SSH1: variants seen among roughly 807,000 people sequenced by gnomAD.
SSH1 encodes protein phosphatase Slingshot homolog 1.
A neutral mutation model predicts 79.7 loss-of-function variants in SSH1; 43 were observed. That is an observed-to-expected ratio of 0.54 (90% CI 0.42 to 0.70). The LOEUF is 0.70. Ranked by LOEUF, SSH1 falls within the 30% of genes least tolerant of loss-of-function variation. The probability of loss-of-function intolerance (pLI) is 0.00; values close to 1 mark genes in which losing one functional copy is unlikely to be tolerated. For synonymous variants in SSH1, 599 were observed against 538.3 expected, an observed-to-expected ratio of 1.11 and a Z score of -1.56; for missense variants, 1,206 against 1,358.8, an observed-to-expected ratio of 0.89 and a Z score of 1.77.
intron 13 of SSH1, among the ~76,000 whole-genome samples, chr12:108,794,852 T>C (rs1051887999): frequency 2.6e-5 from 4 of 151,496 alleles, no homozygotes; most frequent in South Asian, 2.1e-4. Flanking sequence ...ACTATCTTCA[T>C]AGATTGTGGG....
In SSH1 at chr12:108,780,324, C is replaced by CCG. The variant is rs2036134124; in HGVS notation, c.*7662_*7663dup. 6.6e-6 allele frequency: 1 copy of CCG among 152,224 alleles called. No individual in the cohort carries two copies. The highest frequency in any genetic ancestry group is 2.4e-5 in the African/African-American group (1 of 41,452). 9.4% of individuals were successfully genotyped at this position (152,224 alleles called of 1,614,324 possible). ...AGATGTGATCTGGGATCGTGCCCAA[C>CCG]CGCGAGACAGTTACTCTGAGGAGGA... is the stretch of plus-strand genomic sequence containing the variant. On this transcript the variant is annotated 3_prime_UTR_variant, in exon 15 of 15. Coordinates refer to ENST00000326495, the MANE Select transcript of SSH1 (RefSeq NM_018984.4).
In SSH1 at chr12:108,788,145, G is replaced by A. The variant is rs370632411; in HGVS notation, c.2993C>T (p.Pro998Leu). Residue 998 changes from proline to leucine, a missense_variant, in exon 15 of 15, where the codon CCG becomes CTG. Coordinates refer to ENST00000326495, the MANE Select transcript of SSH1 (RefSeq NM_018984.4). The stretch of plus-strand genomic sequence containing the variant: ...GTCCTGGGAGTCAGCGACGGTGGAC[G>A]GGTCAGCCTCACTGGACAGGTCTTC... ...STEDLSSEADPSTVADSQDTT... is the reference protein window; with the variant it reads ...STEDLSSEADLSTVADSQDTT... The A allele has an allele frequency of 2.1e-4, 337 of 1,614,072 alleles. 2 individuals carry two copies. In the South Asian group the frequency reaches 2.8e-3, roughly 13 times the overall value.
intron 4 of SSH1, 35 bp downstream of exon 4, chr12:108,818,214 A>C (rs777911770): frequency 1.9e-6 from 3 of 1,605,260 alleles, no homozygotes; most frequent in Non-Finnish European, 2.6e-6. Context: ...AATTAAAAAA[A>C]AATTTTTTAA....
chr12:108,795,157 A>T (rs894390527), intron 13 of SSH1, among the ~76,000 whole-genome samples: 1 of 152,172 alleles, frequency 6.6e-6, no homozygotes, highest in Non-Finnish European at 1.5e-5. Flanking sequence ...ATGGCAAATA[A>T]ACCTCCTAAA....
chr12:108,856,806 C>T (rs1056109335), intron 1 of SSH1, among the ~76,000 whole-genome samples: 5 of 152,212 alleles, frequency 3.3e-5, no homozygotes, highest in Admixed American at 3.3e-4. Context: ...CCTAGAACTA[C>T]CCCGGCCACA....
At chr12:108,798,844 T>G (rs2036861215) in intron 13 of SSH1, among the ~76,000 whole-genome samples, 156 bp downstream of exon 13, 1 of 152,234 alleles carries the variant, frequency 6.6e-6, no homozygotes, top group Admixed American at 6.5e-5. Flanking sequence ...GTTGTTTTTC[T>G]CAAACTGGCT....
In SSH1 at chr12:108,788,908, A is replaced by G; in HGVS notation, c.2230T>C (p.Ser744Pro). The stretch of plus-strand genomic sequence containing the variant: ...GGCAGGACTTTTGGGGTCTCTCTGG[A>G]AGGTTCCAAAAGGCTGGCTGGTGGC... Reference protein sequence around the residue: ...LEPPASLLEPSRETPKVLPKS... With the variant: ...LEPPASLLEPPRETPKVLPKS... Residue 744 changes from serine to proline, a missense_variant, in exon 15 of 15, where the codon TCC becomes CCC. By Grantham distance (74) the Ser-to-Pro change is moderately conservative. This residue lies in a region of SSH1 where 709 missense variants were observed against 730.6 expected (regional missense o/e 0.97). Coordinates refer to ENST00000326495, the MANE Select transcript of SSH1 (RefSeq NM_018984.4). The G allele has an allele frequency of 6.2e-7, 1 of 1,614,192 alleles. No homozygotes were observed. The highest frequency in any genetic ancestry group is 8.5e-7 in the Non-Finnish European group (1 of 1,180,026).
intron 14 of SSH1, among the ~76,000 whole-genome samples, chr12:108,790,624 T>C (rs2136970399): frequency 6.6e-6 from 1 of 152,350 alleles, no homozygotes; most frequent in East Asian, 1.9e-4. Flanking sequence ...ATTTGCTTTG[T>C]GGTAGGCAGG....
intron 3 of SSH1, among the ~76,000 whole-genome samples, chr12:108,823,053 G>A (rs554945176): frequency 2.2e-4 from 34 of 152,200 alleles, no homozygotes; most frequent in Admixed American, 1.7e-3. Context: ...TACTCCTGAC[G>A]CAGACAGACA....
Position 108,811,337 on chromosome 12 carries a change from G to C in SSH1, c.402-9C>G, listed in dbSNP as rs767400542. ...CAATGGTGCAGCTTTTACTGCGATG[G>C]GGGAGAGAAGACATGTGGAGTCAGC... On this transcript the variant is annotated splice_polypyrimidine_tract_variant and intron_variant, in intron 5 of 14. Transcript: ENST00000326495. The C allele has an allele frequency of 1.4e-5, 23 of 1,613,976 alleles. No homozygotes were observed. Among genetic ancestry groups the C allele is most frequent in the Non-Finnish European group, 1.5e-5 (18 of 1,179,948 alleles).
chr12:108,836,004 C>A (rs1382298491), intron 2 of SSH1, among the ~76,000 whole-genome samples: 1 of 145,422 alleles, frequency 6.9e-6, no homozygotes, highest in Non-Finnish European at 1.5e-5. Context: ...TTAATATAAT[C>A]GATTATAACT....
At chr12:108,827,231 A>C (rs959904269) in intron 2 of SSH1, 1 of 1,526,360 alleles carries the variant, frequency 6.6e-7, no homozygotes, top group Non-Finnish European at 8.8e-7. Context: ...AAGCCATGGC[A>C]GGAAACCAGT....
At chr12:108,854,955 G>A (rs772142568) in intron 1 of SSH1, among the ~76,000 whole-genome samples, 6 of 152,122 alleles carry the variant, frequency 3.9e-5, no homozygotes, top group South Asian at 2.1e-4. Flanking sequence ...ACATCCCAGC[G>A]CATTCAAAGC....
intron 2 of SSH1, among the ~76,000 whole-genome samples, chr12:108,825,642 C>T (rs1438761750): frequency 6.6e-6 from 1 of 152,242 alleles, no homozygotes; most frequent in African/African-American, 2.4e-5. Context: ...TTGTCCACTA[C>T]TGCAGATGCA....
In SSH1 at chr12:108,781,728, T is replaced by C. The variant is rs950684870; in HGVS notation, c.*6260A>G. The C allele has an allele frequency of 6.6e-6, 1 of 152,082 alleles. No homozygotes were observed. The highest frequency in any genetic ancestry group is 1.5e-5 in the Non-Finnish European group (1 of 68,034). The allele number at this position is 152,082 out of a possible 1,614,324, so 9.4% of individuals were successfully genotyped here. The stretch of plus-strand genomic sequence containing the variant: ...TGGGCCCTGCCCACTGGAAAGCAAG[T>C]AGAAATGATGTATCGCATCCAGACA... On this transcript the variant is annotated 3_prime_UTR_variant, in exon 15 of 15. Coordinates refer to ENST00000326495, the MANE Select transcript of SSH1 (RefSeq NM_018984.4).
chr12:108,794,796 C>T (rs948338075), intron 13 of SSH1, among the ~76,000 whole-genome samples: 9 of 151,888 alleles, frequency 5.9e-5, no homozygotes, highest in African/African-American at 2.2e-4. Flanking sequence ...AGATCTTTAC[C>T]CTAAAGCTTT....
At chr12:108,843,019 A>G (rs1442046901) in intron 2 of SSH1, among the ~76,000 whole-genome samples, 4 of 152,094 alleles carry the variant, frequency 2.6e-5, no homozygotes, top group Non-Finnish European at 4.4e-5. Flanking sequence ...ACTTACCAAC[A>G]CACGATTATT....
chr12:108,781,761 C>CT lies in SSH1; in HGVS notation c.*6226dup, dbSNP rs1411597495. ...ATGTATCGCATCCAGACAGAGGAGA[C>CT]TGAGTGAATGTGACTCCTCCCTGAC... On this transcript the variant is annotated 3_prime_UTR_variant, in exon 15 of 15. Coordinates refer to ENST00000326495, the MANE Select transcript of SSH1 (RefSeq NM_018984.4). 1 of 152,116 alleles carries CT rather than the reference C, an allele frequency of 6.6e-6. No individual in the cohort carries two copies. The highest frequency in any genetic ancestry group is 6.6e-5 in the Admixed American group (1 of 15,264). The allele number at this position is 152,116 out of a possible 1,614,324, so 9.4% of individuals were successfully genotyped here. A position where few individuals can be genotyped will look rare whatever the true frequency, so the allele number is the denominator to read the frequency against.
At chr12:108,826,345 T>G in intron 2 of SSH1, 1 of 341,518 alleles carries the variant, frequency 2.9e-6, no homozygotes, top group South Asian at 2.2e-5. Flanking sequence ...ATGGCATTGA[T>G]TGGGGCCCTG....
Sources: gnomAD v4.1 joint callset for allele counts (sites outside exome capture counted in the v4.1 genomes callset) on GRCh38, gnomAD v4.1.1 for gene constraint, gnomAD v4.1.1 regional missense constraint, MANE v1.5 for transcripts, NCBI Gene and HGNC (gene_info 2026-07-23, HGNC 2026-07-21) for gene names.